The following MAP1B variants were observed in gnomAD, a reference collection of about 807,000 sequenced individuals.
MAP1B encodes the protein microtubule-associated protein 1B.
Under a neutral mutation model 176.1 loss-of-function variants are expected in MAP1B, and 12 were observed. The observed-to-expected ratio is 0.07, with a 90% CI of 0.04 to 0.11. The LOEUF (loss-of-function observed/expected upper bound fraction) is 0.11, where lower values mean the gene tolerates loss of function less well. Ranked by LOEUF, MAP1B falls within the 10% of genes least tolerant of loss-of-function variation. The pLI is 1.00. For missense variants in MAP1B, 2,523 were observed against 2,990.5 expected (o/e 0.84, Z 3.65); for synonymous variants, 1,044 against 1,135.0 (o/e 0.92, Z 1.61).
intron 3 of MAP1B, among the ~76,000 whole-genome samples, chr5:72,184,785 G>T (rs1252679155): frequency 1.3e-5 from 2 of 152,200 alleles, no homozygotes; most frequent in Non-Finnish European, 2.9e-5. Context: ...CACACTTTGA[G>T]CATCTCTGTG....
At position 72,110,950 on chromosome 5, in the gene MAP1B, T is replaced by A. The variant is rs73121649; in HGVS notation, c.184+3235T>A. On this transcript the variant is annotated intron_variant, in intron 1 of 6. Coordinates refer to ENST00000296755, the MANE Select transcript of MAP1B (RefSeq NM_005909.5). ...GGTCCCTCTTGCTTTCTCAACTATA[T>A]TCGGAAAGCATAATGAAAGCTTTGG... Among the ~76,000 whole-genome samples, 1,299 of 152,324 alleles carry A rather than the reference T, an allele frequency of 8.5e-3. 33 individuals are homozygous for A. The highest frequency in any genetic ancestry group is 0.029 in the African/African-American group (1,206 of 41,562).
At chr5:72,203,412 G>A in intron 5 of MAP1B, 151 bp from the exon 6 acceptor site, 1 of 685,418 alleles carries the variant, frequency 1.5e-6, no homozygotes, top group Non-Finnish European at 2.7e-6. Context: ...CAGATTACCA[G>A]GGAGATGGAA....
At chr5:72,110,070 A>T (rs1375409976) in intron 1 of MAP1B, among the ~76,000 whole-genome samples, 1 of 152,214 alleles carries the variant, frequency 6.6e-6, no homozygotes, top group African/African-American at 2.4e-5. Context: ...CTTGACATTA[A>T]TTTTTTAAAA....
rs1747431799 is a variant in MAP1B, at chr5:72,205,614, G to T, written c.*375G>T. 1 of 163,944 alleles carries T rather than the reference G, an allele frequency of 6.1e-6. No individual in the cohort carries two copies. Among genetic ancestry groups the T allele is most frequent in the South Asian group, 1.8e-4 (1 of 5,560 alleles). The allele number at this position is 163,944 out of a possible 1,614,324, so 10.2% of individuals were successfully genotyped here. Reference sequence around the variant, plus strand: ...GTGAGAGCACAAAGATAACGCAGGAGAGAGAGAGAGAAAGAATGAGAAAGA... The same window carrying T: ...GTGAGAGCACAAAGATAACGCAGGATAGAGAGAGAGAAAGAATGAGAAAGA... On this transcript the variant is annotated 3_prime_UTR_variant, in exon 7 of 7. Transcript: ENST00000296755.
At chr5:72,177,681 A>T (rs953877435) in intron 2 of MAP1B, among the ~76,000 whole-genome samples, 7 of 152,318 alleles carry the variant, frequency 4.6e-5, no homozygotes, top group Admixed American at 4.6e-4. Context: ...TGGAGCTGGA[A>T]ATGATTTCAC....
intron 2 of MAP1B, among the ~76,000 whole-genome samples, chr5:72,125,525 T>C (rs142826222): frequency 6.6e-6 from 1 of 152,224 alleles, no homozygotes; most frequent in East Asian, 1.9e-4. Context: ...CTGCAGGCCA[T>C]AAGAAGACTT....
At chr5:72,124,746 C>T (rs920988407) in intron 2 of MAP1B, among the ~76,000 whole-genome samples, 3 of 152,220 alleles carry the variant, frequency 2.0e-5, no homozygotes, top group Admixed American at 6.5e-5. Context: ...TGAGTAAACA[C>T]GCCACTGTTG....
At chr5:72,189,701 A>T (rs1746984707) in intron 4 of MAP1B, among the ~76,000 whole-genome samples, 2 of 152,056 alleles carry the variant, frequency 1.3e-5, no homozygotes, top group South Asian at 4.2e-4. Context: ...TCTTAAAAAA[A>T]AAAAAACTAT....
At chr5:72,121,337 T>G (rs75384168) in intron 2 of MAP1B, among the ~76,000 whole-genome samples, 2,730 of 152,350 alleles carry the variant, frequency 0.018, 76 homozygotes, top group African/African-American at 0.062. Flanking sequence ...GTTTATTTTC[T>G]TAGCTGAATA....
intron 1 of MAP1B, among the ~76,000 whole-genome samples, chr5:72,114,334 A>G (rs997659040): frequency 6.6e-6 from 1 of 152,206 alleles, no homozygotes; most frequent in African/African-American, 2.4e-5. Context: ...TGTGTATTTA[A>G]GTAACACACT....
chr5:72,186,664 C>G lies in MAP1B; in HGVS notation c.420C>G (p.Thr140=). The G allele has an allele frequency of 6.8e-6, 11 of 1,614,196 alleles. No individual in the cohort carries two copies. Among genetic ancestry groups the G allele is most frequent in the Non-Finnish European group, 9.3e-6 (11 of 1,180,036 alleles). Residue 140 remains threonine (T), a synonymous_variant, in exon 4 of 7, where the codon ACC becomes ACG. Transcript: ENST00000296755. This position sits in a 1 kb window ranked among gnomAD's most constrained non-coding sequence, Gnocchi z 4.3. ...DAARHKLLVL[T]GQCFENTGEL... ...CCCGACACAAGCTGCTCGTGCTGAC[C>G]GGGCAGTGCTTTGAAAATACCGGAG...
chr5:72,107,575 G>T lies in MAP1B; in HGVS notation c.44G>T (p.Gly15Val). The T allele has an allele frequency of 6.3e-7, 1 of 1,589,754 alleles. No individual in the cohort carries two copies. The change falls in exon 1 of 7, where the codon GGC (glycine) becomes GTC (valine). Residue 15 changes from glycine to valine, a missense_variant. Physicochemically the swap from Gly to Val is moderately radical, Grantham distance 109. This residue lies in a region of MAP1B where 307 missense variants were observed against 438.4 expected (regional missense o/e 0.70). Transcript: ENST00000296755. ...GAAGCCACCGAGCCGGAGCCGTCCG[G>T]CAGCATCGCCAACCCGGCGGCGTCC... Reference protein sequence around the residue: ...VVEATEPEPSGSIANPAASTS... With the variant: ...VVEATEPEPSVSIANPAASTS...
intron 2 of MAP1B, among the ~76,000 whole-genome samples, chr5:72,144,789 T>C (rs60190067): frequency 0.021 from 3,254 of 152,226 alleles, 116 homozygotes; most frequent in African/African-American, 0.075. Flanking sequence ...TTTTAGAGTG[T>C]TGGGGAGAAA....
At position 72,205,303 on chromosome 5, in the gene MAP1B, CA is replaced by C; in HGVS notation, c.*65del. The C allele has an allele frequency of 6.5e-7, 1 of 1,528,744 alleles. No individual in the cohort carries two copies. The highest frequency in any genetic ancestry group is 2.3e-5 in the East Asian group (1 of 44,174). The allele number at this position is 1,528,744 out of a possible 1,614,324, so 94.7% of individuals were successfully genotyped here. On this transcript the variant is annotated 3_prime_UTR_variant, in exon 7 of 7. Coordinates refer to ENST00000296755, the MANE Select transcript of MAP1B (RefSeq NM_005909.5). ...TTCCAGAAATTCTTCAATTTGAAATCACCTTTTCTAAAAAGTCAATTCATCT... is the reference window on the plus strand; with the variant it reads ...TTCCAGAAATTCTTCAATTTGAAATCCCTTTTCTAAAAAGTCAATTCATCT...
chr5:72,150,164 A>T (rs10062773), intron 2 of MAP1B, among the ~76,000 whole-genome samples: 71,006 of 152,166 alleles, frequency 0.47, 17,228 homozygotes, highest in African/African-American at 0.62. Context: ...TATAAACAGA[A>T]TGGCCCATTT....
intron 2 of MAP1B, chr5:72,116,564 C>T (rs1393583597): frequency 3.5e-6 from 1 of 283,522 alleles, no homozygotes; most frequent in African/African-American, 2.3e-5. Context: ...TCATACTGAC[C>T]CATCTCGTCT....
intron 2 of MAP1B, among the ~76,000 whole-genome samples, chr5:72,160,228 A>AG (rs1746303119): frequency 6.6e-6 from 1 of 151,668 alleles, no homozygotes; most frequent in Non-Finnish European, 1.5e-5. Context: ...TAAAAAAAAA[A>AG]AAAAATCCAA....
At chr5:72,131,766 A>T (rs1579988009) in intron 2 of MAP1B, among the ~76,000 whole-genome samples, 1 of 152,222 alleles carries the variant, frequency 6.6e-6, no homozygotes, top group Non-Finnish European at 1.5e-5. Context: ...TTAGAGGTTC[A>T]TTCAATACCT....
Position 72,205,301 on chromosome 5 carries a change from A to G in MAP1B, c.*62A>G, listed in dbSNP as rs1580034832. On this transcript the variant is annotated 3_prime_UTR_variant, in exon 7 of 7. Coordinates refer to ENST00000296755, the MANE Select transcript of MAP1B (RefSeq NM_005909.5). The stretch of plus-strand genomic sequence containing the variant: ...GTTTCCAGAAATTCTTCAATTTGAA[A>G]TCACCTTTTCTAAAAAGTCAATTCA... 2 of 1,535,576 alleles carry G rather than the reference A, an allele frequency of 1.3e-6. No homozygotes were observed. The highest frequency in any genetic ancestry group is 8.9e-7 in the Non-Finnish European group (1 of 1,129,636).
Sources: allele counts gnomAD v4.1 joint callset (sites outside exome capture counted in the v4.1 genomes callset), GRCh38; gene constraint gnomAD v4.1.1; regional missense constraint gnomAD v4.1.1; non-coding constraint Gnocchi (gnomAD v3.1); transcripts MANE v1.5; gene names NCBI Gene and HGNC (gene_info 2026-07-23, HGNC 2026-07-21).